The following TRHDE variants were observed in gnomAD, a reference collection of about 807,000 sequenced individuals.
TRHDE encodes thyrotropin releasing hormone degrading enzyme.
In TRHDE, 72 loss-of-function variants were observed where a neutral mutation model predicts 125.7. The observed-to-expected ratio is 0.57, with a 90% CI of 0.47 to 0.70. The LOEUF (loss-of-function observed/expected upper bound fraction) is 0.70. Among genes scored for constraint, TRHDE ranks in the 30% least tolerant of loss-of-function variants. The pLI, the probability that TRHDE is intolerant of heterozygous loss-of-function variation, is 0.00. For missense variants in TRHDE, 1,110 were observed against 1,327.1 expected (o/e 0.84, Z 2.54); for synonymous variants, 509 against 509.1 (o/e 1.00, Z 0.00).
At chr12:72,384,835 A>G (rs563184539) in intron 3 of TRHDE, among the ~76,000 whole-genome samples, 4 of 152,214 alleles carry the variant, frequency 2.6e-5, no homozygotes, top group South Asian at 2.1e-4. Flanking sequence ...ATAATTTACT[A>G]CTTGCAAATA....
At chr12:72,394,572 C>T (rs1872719587) in intron 3 of TRHDE, among the ~76,000 whole-genome samples, 1 of 152,110 alleles carries the variant, frequency 6.6e-6, no homozygotes, top group Non-Finnish European at 1.5e-5. Context: ...CATTGAAACT[C>T]CCCTATGCAA....
At chr12:72,568,761 G>A in intron 10 of TRHDE, 105 bp downstream of exon 10, 2 of 658,050 alleles carry the variant, frequency 3.0e-6, no homozygotes, top group South Asian at 2.5e-5. Context: ...AGACAAATTA[G>A]AAAGAGAATA....
At chr12:72,527,451 A>G (rs534766705) in intron 6 of TRHDE, among the ~76,000 whole-genome samples, 13 of 152,244 alleles carry the variant, frequency 8.5e-5, no homozygotes, top group African/African-American at 3.1e-4. Flanking sequence ...CGTATACAAA[A>G]ATAAGGATAA....
intron 3 of TRHDE, among the ~76,000 whole-genome samples, chr12:72,414,642 T>C (rs1873655413): frequency 6.6e-6 from 1 of 152,138 alleles, no homozygotes; most frequent in Non-Finnish European, 1.5e-5. Flanking sequence ...ATTACTATAA[T>C]AACCTACTAG....
intron 5 of TRHDE, among the ~76,000 whole-genome samples, chr12:72,478,071 A>T (rs1565757905): frequency 6.6e-6 from 1 of 152,238 alleles, no homozygotes; most frequent in African/African-American, 2.4e-5. Flanking sequence ...ATACCTGGGC[A>T]TAAAGATAAT....
chr12:72,185,388 C>G (rs1877184602), intron 2 of TRHDE, among the ~76,000 whole-genome samples: 1 of 152,234 alleles, frequency 6.6e-6, no homozygotes, highest in Non-Finnish European at 1.5e-5. Flanking sequence ...CCCTGCTCCA[C>G]GGCGCCCAGT....
intron 7 of TRHDE, among the ~76,000 whole-genome samples, chr12:72,552,691 A>G (rs536340172): frequency 2.6e-5 from 4 of 152,310 alleles, no homozygotes; most frequent in African/African-American, 9.6e-5. Context: ...AAATTCATTG[A>G]TTTCAGTGGA....
At chr12:72,221,732 G>GA (rs1373816926) in intron 2 of TRHDE, among the ~76,000 whole-genome samples, 9 of 151,882 alleles carry the variant, frequency 5.9e-5, no homozygotes, top group South Asian at 2.1e-4. Flanking sequence ...AATATTTGGG[G>GA]AAAAAAACCA....
chr12:72,271,622 C>T (rs1163505191), upstream of TRHDE, among the ~76,000 whole-genome samples: 1 of 152,164 alleles, frequency 6.6e-6, no homozygotes, highest in Non-Finnish European at 1.5e-5. Flanking sequence ...GCCTTTCCTG[C>T]CTCCTCGCGC....
intron 2 of TRHDE, among the ~76,000 whole-genome samples, chr12:72,244,090 T>C (rs1878530798): frequency 6.6e-6 from 1 of 152,188 alleles, no homozygotes; most frequent in South Asian, 2.1e-4. Context: ...GTATTCAGTA[T>C]GAGGCTCTAT....
chr12:72,447,463 T>A (rs998515418), intron 3 of TRHDE, among the ~76,000 whole-genome samples: 1 of 152,068 alleles, frequency 6.6e-6, no homozygotes, highest in Non-Finnish European at 1.5e-5. Flanking sequence ...AGTCTCCTAG[T>A]GATGTCAATG....
chr12:72,395,506 C>T (rs1872753352), intron 3 of TRHDE, among the ~76,000 whole-genome samples: 3 of 152,040 alleles, frequency 2.0e-5, no homozygotes, highest in South Asian at 4.2e-4. Flanking sequence ...ACTTGTCACC[C>T]TCCTTCTCCC....
intron 2 of TRHDE, among the ~76,000 whole-genome samples, chr12:72,123,080 A>G (rs1368702867): frequency 6.6e-6 from 1 of 152,194 alleles, no homozygotes; most frequent in Non-Finnish European, 1.5e-5. Context: ...TTTTAAGTTA[A>G]GTTTAATTTA....
At chr12:72,655,580 G>C (rs1390317057) in intron 17 of TRHDE, among the ~76,000 whole-genome samples, 1 of 152,058 alleles carries the variant, frequency 6.6e-6, no homozygotes, top group Admixed American at 6.6e-5. Context: ...TCTGAGCACT[G>C]TGTATAATTT....
intron 15 of TRHDE, among the ~76,000 whole-genome samples, chr12:72,638,459 A>G (rs1455555362): frequency 2.7e-5 from 4 of 150,766 alleles, no homozygotes; most frequent in Non-Finnish European, 4.5e-5. Context: ...TCTTTATCCA[A>G]TTTGCCAGTC....
At chr12:72,118,018 C>T (rs1177984499) in intron 2 of TRHDE, among the ~76,000 whole-genome samples, 9 of 151,780 alleles carry the variant, frequency 5.9e-5, no homozygotes, top group Admixed American at 2.0e-4. Flanking sequence ...CATCTGTAAA[C>T]GAGGATAATT....
At chr12:72,472,422 G>C (rs1036956846) in intron 4 of TRHDE, among the ~76,000 whole-genome samples, 2 of 152,204 alleles carry the variant, frequency 1.3e-5, no homozygotes, top group African/African-American at 4.8e-5. Context: ...TTTCATGAAG[G>C]CATCTTAGAG....
chr12:72,492,579 C>A (rs1228230652), intron 5 of TRHDE, among the ~76,000 whole-genome samples: 2 of 151,682 alleles, frequency 1.3e-5, no homozygotes. Flanking sequence ...TTTTTCAACT[C>A]TTGATCATAT....
chr12:72,223,323 T>G (rs2139369348), intron 2 of TRHDE, among the ~76,000 whole-genome samples: 1 of 152,196 alleles, frequency 6.6e-6, no homozygotes, highest in South Asian at 2.1e-4. Context: ...ATCTGGAGAT[T>G]TATTTTTCCT....
Sources: gnomAD v4.1 joint callset for allele counts (sites outside exome capture counted in the v4.1 genomes callset) on GRCh38, gnomAD v4.1.1 for gene constraint, MANE v1.5 for transcripts, NCBI Gene and HGNC (gene_info 2026-07-23, HGNC 2026-07-21) for gene names.